Variants in SDK1 observed in about 807,000 individuals in gnomAD.
SDK1 encodes the protein sidekick cell adhesion molecule 1.
In SDK1, 157 loss-of-function variants were observed where a neutral mutation model predicts 245.5. The ratio of observed to expected loss-of-function variants is 0.64; its 90% confidence interval spans 0.56 to 0.73. The LOEUF (loss-of-function observed/expected upper bound fraction) is 0.73. Ranked by LOEUF, SDK1 falls within the 30% of genes least tolerant of loss-of-function variation. SDK1 has a pLI of 0.00. For missense variants in SDK1, 3,583 were observed against 3,002.3 expected (o/e 1.19, Z -4.52); for synonymous variants, 1,647 against 1,278.5 (o/e 1.29, Z -6.15).
chr7:3,918,768 C>T (rs1250046477), intron 5 of SDK1, among the ~76,000 whole-genome samples: 2 of 152,158 alleles, frequency 1.3e-5, no homozygotes, highest in African/African-American at 4.8e-5. Flanking sequence ...CAGGTCTCTG[C>T]AGGAAATGAC....
At chr7:4,132,571 C>A in intron 28 of SDK1, 148 bp downstream of exon 28, 2 of 596,086 alleles carry the variant, frequency 3.4e-6, no homozygotes, top group East Asian at 2.9e-5. Context: ...AGAAAAAATT[C>A]AGACTATTAG....
At chr7:3,333,309 C>G (rs963563093) in intron 1 of SDK1, among the ~76,000 whole-genome samples, 15 of 152,122 alleles carry the variant, frequency 9.9e-5, no homozygotes, top group African/African-American at 3.4e-4. Context: ...AGGGAGGTCA[C>G]TGGTGTTTGG....
chr7:4,125,163 G>T (rs1201686515), intron 25 of SDK1, among the ~76,000 whole-genome samples: 1 of 149,520 alleles, frequency 6.7e-6, no homozygotes, highest in African/African-American at 2.5e-5. Flanking sequence ...TGGATGGATG[G>T]ATGGGTGGAT....
At chr7:3,918,663 A>G (rs4723275) in intron 5 of SDK1, among the ~76,000 whole-genome samples, 42,430 of 152,094 alleles carry the variant, frequency 0.28, 6,089 homozygotes, top group Middle Eastern at 0.39. Context: ...TCCCCCCGAC[A>G]TTGGTAGAAA....
At chr7:4,234,170 T>G (rs1228296578) in intron 41 of SDK1, among the ~76,000 whole-genome samples, 2 of 152,178 alleles carry the variant, frequency 1.3e-5, no homozygotes, top group Non-Finnish European at 2.9e-5. Context: ...GGATAGTAGC[T>G]GCTCTGGGCT....
intron 1 of SDK1, among the ~76,000 whole-genome samples, chr7:3,506,324 G>A (rs1008640249): frequency 1.3e-5 from 2 of 151,952 alleles, no homozygotes; most frequent in Non-Finnish European, 2.9e-5. Context: ...GGCTTATATT[G>A]TGTCTGATGA....
chr7:3,387,007 G>C (rs142184355), intron 1 of SDK1, among the ~76,000 whole-genome samples: 57 of 152,280 alleles, frequency 3.7e-4, no homozygotes, highest in African/African-American at 1.3e-3. Flanking sequence ...TCTTCAGTTA[G>C]TTGAGATGGT....
intron 18 of SDK1, among the ~76,000 whole-genome samples, chr7:4,049,897 C>G (rs1484902035): frequency 6.6e-6 from 1 of 152,192 alleles, no homozygotes. Flanking sequence ...AGGGAGAGTT[C>G]TGTTTAAAGA....
intron 1 of SDK1, among the ~76,000 whole-genome samples, chr7:3,449,653 T>C (rs893496954): frequency 2.6e-5 from 4 of 152,214 alleles, no homozygotes; most frequent in African/African-American, 9.6e-5. Context: ...TAGAATAACA[T>C]GCAGCTATTA....
chr7:4,049,537 C>T, intron 18 of SDK1, 74 bp downstream of exon 18: 1 of 1,130,604 alleles, frequency 8.8e-7, no homozygotes, highest in South Asian at 1.3e-5. Flanking sequence ...GCTGGAGGCA[C>T]CCCCTCTTGT....
chr7:3,528,364 G>C (rs546555748), intron 1 of SDK1, among the ~76,000 whole-genome samples: 2 of 151,576 alleles, frequency 1.3e-5, no homozygotes, highest in East Asian at 1.9e-4. Flanking sequence ...AGGTGAGGCT[G>C]GGTGTCAGCT....
chr7:4,094,709 AC>A (rs756581367), intron 22 of SDK1, among the ~76,000 whole-genome samples: 5 of 152,182 alleles, frequency 3.3e-5, no homozygotes, highest in Non-Finnish European at 7.3e-5. Flanking sequence ...CAAACCATTG[AC>A]ATCGGGATTG....
intron 14 of SDK1, among the ~76,000 whole-genome samples, chr7:3,988,765 CTTTTGTT>C (rs1784065865): frequency 6.6e-6 from 1 of 152,078 alleles, no homozygotes; most frequent in East Asian, 1.9e-4. Context: ...CCGATTTCAC[CTTTTGTT>C]TTTTGTTTGT....
chr7:4,214,316 G>T (rs1385629508), intron 38 of SDK1, among the ~76,000 whole-genome samples: 1 of 152,218 alleles, frequency 6.6e-6, no homozygotes, highest in African/African-American at 2.4e-5. Flanking sequence ...ACCGCTGGCT[G>T]CACAGCCGAG....
chr7:3,952,323 A>C (rs1290466756), intron 7 of SDK1, among the ~76,000 whole-genome samples: 1 of 152,140 alleles, frequency 6.6e-6, no homozygotes, highest in Non-Finnish European at 1.5e-5. Flanking sequence ...TTATGCCTGT[A>C]ATCCCAGCAC....
intron 13 of SDK1, among the ~76,000 whole-genome samples, chr7:3,981,504 C>G (rs1041757935): frequency 6.6e-6 from 1 of 152,086 alleles, no homozygotes; most frequent in African/African-American, 2.4e-5. Flanking sequence ...TATCGAAAGC[C>G]AAGACAAGAC....
chr7:4,251,508 C>G (rs1181290038), intron 44 of SDK1, among the ~76,000 whole-genome samples: 1 of 152,184 alleles, frequency 6.6e-6, no homozygotes, highest in Non-Finnish European at 1.5e-5. Context: ...TTATAGCAAA[C>G]TGCAACTGCA....
intron 1 of SDK1, among the ~76,000 whole-genome samples, chr7:3,474,122 T>C (rs1030472185): frequency 2.6e-5 from 3 of 116,560 alleles, no homozygotes; most frequent in African/African-American, 9.9e-5. Flanking sequence ...TTTTTTTTTT[T>C]GAGACCGTGT....
At chr7:3,376,057 C>G (rs772035524) in intron 1 of SDK1, among the ~76,000 whole-genome samples, 2 of 152,106 alleles carry the variant, frequency 1.3e-5, no homozygotes, top group African/African-American at 4.8e-5. Flanking sequence ...ATGTGCTGGG[C>G]ATGGTAGCTT....
Sources: allele counts gnomAD v4.1 joint callset (sites outside exome capture counted in the v4.1 genomes callset), GRCh38; gene constraint gnomAD v4.1.1; transcripts MANE v1.5; gene names NCBI Gene and HGNC (gene_info 2026-07-23, HGNC 2026-07-21).